Variants in RNF150 observed in about 807,000 individuals in gnomAD.
The protein encoded by RNF150 is ring finger protein 150.
In RNF150, 24 loss-of-function variants were observed where a neutral mutation model predicts 39.3. The observed-to-expected ratio is 0.61, with a 90% confidence interval of 0.44 to 0.86. The LOEUF (loss-of-function observed/expected upper bound fraction) is 0.86. Ranked by LOEUF, RNF150 falls within the 40% of genes least tolerant of loss-of-function variation. The pLI, the probability that RNF150 is intolerant of heterozygous loss-of-function variation, is 0.00. For synonymous variants in RNF150, 255 were observed against 227.3 expected (o/e 1.12, Z -1.10); for missense variants, 502 against 587.8 (o/e 0.85, Z 1.51).
intron 1 of RNF150, among the ~76,000 whole-genome samples, chr4:141,045,574 G>T (rs7681997): frequency 6.6e-6 from 1 of 151,158 alleles, no homozygotes; most frequent in Non-Finnish European, 1.5e-5. Context: ...ACGGAGTTTC[G>T]TTCTTGTTGC....
chr4:141,186,139 C>G (rs767608486), intron 1 of RNF150, among the ~76,000 whole-genome samples: 1 of 152,134 alleles, frequency 6.6e-6, no homozygotes, highest in Non-Finnish European at 1.5e-5. Flanking sequence ...TGGTAGAATT[C>G]GGCTGGGAAT....
intron 6 of RNF150, among the ~76,000 whole-genome samples, chr4:140,884,446 T>C (rs1172181680): frequency 6.6e-6 from 1 of 152,160 alleles, no homozygotes; most frequent in Non-Finnish European, 1.5e-5. Context: ...CAGGTACAGG[T>C]AGTTCGCCAA....
intron 6 of RNF150, among the ~76,000 whole-genome samples, chr4:140,906,399 T>A (rs1730375496): frequency 6.6e-6 from 1 of 152,106 alleles, no homozygotes; most frequent in South Asian, 2.1e-4. Flanking sequence ...GGTATAAGTA[T>A]CTAGAGGTGA....
intron 1 of RNF150, among the ~76,000 whole-genome samples, chr4:141,153,567 T>C (rs1560761305): frequency 6.6e-6 from 1 of 152,186 alleles, no homozygotes; most frequent in South Asian, 2.1e-4. Context: ...TCTGTGGTAA[T>C]TTGTTATGGC....
intron 6 of RNF150, among the ~76,000 whole-genome samples, chr4:140,899,944 T>C (rs76550865): frequency 5.5e-5 from 6 of 110,020 alleles, no homozygotes; most frequent in Non-Finnish European, 1.1e-4. Flanking sequence ...CTCTCTCACT[T>C]TCTCTCTCTC....
At chr4:140,979,280 T>C (rs1461508085) in intron 1 of RNF150, among the ~76,000 whole-genome samples, 6 of 152,152 alleles carry the variant, frequency 3.9e-5, no homozygotes, top group African/African-American at 1.4e-4. Context: ...GGAATCACAG[T>C]ATAGGAGACT....
At chr4:140,956,840 C>T (rs1235808177) in intron 2 of RNF150, among the ~76,000 whole-genome samples, 2 of 152,000 alleles carry the variant, frequency 1.3e-5, no homozygotes, top group Non-Finnish European at 2.9e-5. Context: ...GCTGGGAAAA[C>T]TGGCTAGACA....
chr4:141,032,531 G>C (rs1008077520), intron 1 of RNF150, among the ~76,000 whole-genome samples: 4 of 151,860 alleles, frequency 2.6e-5, no homozygotes, highest in African/African-American at 4.8e-5. Flanking sequence ...ATTCCACAAA[G>C]GGTATACCAA....
At chr4:141,165,714 A>C (rs949291699) in intron 1 of RNF150, among the ~76,000 whole-genome samples, 6 of 152,210 alleles carry the variant, frequency 3.9e-5, no homozygotes, top group African/African-American at 1.4e-4. Context: ...TAAATAACAG[A>C]ATTAAGGCAG....
chr4:141,090,415 G>C (rs1475741641), intron 1 of RNF150, among the ~76,000 whole-genome samples: 1 of 152,020 alleles, frequency 6.6e-6, no homozygotes, highest in Non-Finnish European at 1.5e-5. Flanking sequence ...AGAAAAGATG[G>C]GTGGATGTAA....
chr4:141,210,039 A>G (rs1237058472), intron 1 of RNF150, among the ~76,000 whole-genome samples: 1 of 119,616 alleles, frequency 8.4e-6, no homozygotes, highest in East Asian at 3.8e-4. Context: ...GAAAATGGTC[A>G]TTAGTCACAG....
At chr4:141,040,652 C>T (rs1374605830) in intron 1 of RNF150, among the ~76,000 whole-genome samples, 2 of 152,062 alleles carry the variant, frequency 1.3e-5, no homozygotes, top group African/African-American at 2.4e-5. Flanking sequence ...CTGGGACAGT[C>T]CTAAGCAAAC....
intron 4 of RNF150, 31 bp downstream of exon 4, chr4:140,947,623 C>A: frequency 6.4e-7 from 1 of 1,567,726 alleles, no homozygotes; most frequent in Non-Finnish European, 8.8e-7. Flanking sequence ...CACACACAAC[C>A]CAATCAAAAG....
chr4:140,936,329 G>T (rs1731862414), intron 4 of RNF150, among the ~76,000 whole-genome samples: 1 of 152,156 alleles, frequency 6.6e-6, no homozygotes, highest in Non-Finnish European at 1.5e-5. Flanking sequence ...ACAAGGTAGG[G>T]TGTATTTAAC....
At chr4:141,212,893 G>A (rs550603291), upstream of RNF150, 4 of 152,530 alleles carry the variant, frequency 2.6e-5, no homozygotes, top group African/African-American at 9.7e-5. Context: ...GCGGGAGAGA[G>A]AGAGAGTGAA....
At chr4:141,000,173 G>C (rs1488086157) in intron 1 of RNF150, among the ~76,000 whole-genome samples, 1 of 152,014 alleles carries the variant, frequency 6.6e-6, no homozygotes, top group Non-Finnish European at 1.5e-5. Context: ...TAAAGAAAGA[G>C]CTTTATCAGT....
intron 6 of RNF150, among the ~76,000 whole-genome samples, chr4:140,877,345 C>A (rs1379101110): frequency 6.6e-6 from 1 of 152,078 alleles, no homozygotes; most frequent in African/African-American, 2.4e-5. Context: ...ATTAGTACCA[C>A]CTATTGAGAA....
At chr4:141,204,166 G>A (rs895031231) in intron 1 of RNF150, among the ~76,000 whole-genome samples, 2 of 152,168 alleles carry the variant, frequency 1.3e-5, no homozygotes, top group Non-Finnish European at 2.9e-5. Flanking sequence ...CAGTTTTGAA[G>A]AATCAGTCTT....
intron 4 of RNF150, among the ~76,000 whole-genome samples, chr4:140,945,870 G>A: frequency 6.6e-6 from 1 of 151,382 alleles, no homozygotes; most frequent in Non-Finnish European, 1.5e-5. Flanking sequence ...TAATCTTCAA[G>A]AAAAAAATAA....
Sources: gnomAD v4.1 joint callset for allele counts (sites outside exome capture counted in the v4.1 genomes callset) on GRCh38, gnomAD v4.1.1 for gene constraint, MANE v1.5 for transcripts, NCBI Gene and HGNC (gene_info 2026-07-23, HGNC 2026-07-21) for gene names.